Variants in IGFBP5 observed in about 807,000 individuals in gnomAD.
The protein encoded by IGFBP5 is insulin-like growth factor-binding protein 5.
A neutral mutation model predicts 28.0 loss-of-function variants in IGFBP5; 12 were observed. The ratio of observed to expected loss-of-function variants is 0.43; its 90% CI spans 0.27 to 0.69. The LOEUF is 0.69. Among genes scored for constraint, IGFBP5 ranks in the 30% least tolerant of loss-of-function variants. The pLI is 0.20. For synonymous variants in IGFBP5, 152 were observed against 150.2 expected, an observed-to-expected ratio of 1.01 and a Z score of -0.09; for missense variants, 344 against 381.6, an observed-to-expected ratio of 0.90 and a Z score of 0.82.
intron 1 of IGFBP5, among the ~76,000 whole-genome samples, chr2:216,691,579 G>A (rs1689095764): frequency 6.6e-6 from 1 of 152,072 alleles, no homozygotes; most frequent in South Asian, 2.1e-4. Flanking sequence ...TGCAGAGCCA[G>A]GCTCGCTCTC....
intron 1 of IGFBP5, among the ~76,000 whole-genome samples, chr2:216,680,669 G>A (rs2106219035): frequency 6.6e-6 from 1 of 152,322 alleles, no homozygotes; most frequent in African/African-American, 2.4e-5. Flanking sequence ...CTGCCCTAAA[G>A]AAGCCTCCAA....
At chr2:216,691,405 C>T (rs1689093911) in intron 1 of IGFBP5, among the ~76,000 whole-genome samples, 1 of 111,864 alleles carries the variant, frequency 8.9e-6, no homozygotes, top group Admixed American at 8.9e-5. Flanking sequence ...TCATTCCCCA[C>T]CAAAAATGCC....
intron 2 of IGFBP5, 132 bp from the exon 3 acceptor site, chr2:216,678,363 G>T: frequency 2.1e-6 from 2 of 931,364 alleles, no homozygotes; most frequent in Non-Finnish European, 3.0e-6. Context: ...CTAATCATCT[G>T]CTACCAAAGA....
chr2:216,680,742 G>A (rs780517152), intron 1 of IGFBP5, among the ~76,000 whole-genome samples: 19 of 152,148 alleles, frequency 1.2e-4, no homozygotes, highest in Non-Finnish European at 2.4e-4. Context: ...AGGAAGGGAC[G>A]TAATTACTGG....
intron 1 of IGFBP5, among the ~76,000 whole-genome samples, chr2:216,680,110 G>C (rs989254274): frequency 2.6e-5 from 4 of 152,094 alleles, no homozygotes; most frequent in African/African-American, 4.8e-5. Context: ...CCAGAATGGG[G>C]GAACTTTAGA....
rs1435274346 is a variant in IGFBP5, at chr2:216,694,680, C to G, written c.96G>C (p.Glu32Asp). Residue 32 changes from glutamate (E) to aspartate (D), a missense_variant, in exon 1 of 4, where the codon GAG (glutamate) becomes GAC (aspartate). Transcript: ENST00000233813. The surrounding 1 kb of genome is among the most constrained non-coding windows in gnomAD (Gnocchi z 5.2). ...GSFVHCEPCDEKALSMCPPSP... is the reference protein window; with the variant it reads ...GSFVHCEPCDDKALSMCPPSP... ...TGGGGGGGCACATGGAGAGGGCTTT[C>G]TCGTCGCAGGGCTCGCAGTGCACGA... 2 of 1,523,408 alleles carry G rather than the reference C, an allele frequency of 1.3e-6. No homozygotes were observed. The highest frequency in any genetic ancestry group is 1.3e-5 in the South Asian group (1 of 77,160). The allele number at this position is 1,523,408 out of a possible 1,614,324, so 94.4% of individuals were successfully genotyped here. A position where few individuals can be genotyped will look rare whatever the true frequency, so the allele number is the denominator to read the frequency against.
At chr2:216,676,922 C>G (rs771790535) in intron 3 of IGFBP5, 40 bp from the exon 4 acceptor site, 2 of 1,606,310 alleles carry the variant, frequency 1.2e-6, no homozygotes, top group Admixed American at 1.7e-5. Flanking sequence ...GACGGCCGCA[C>G]CCCAGGGCTC....
rs889268894 is a variant in IGFBP5 at position 216,692,277 on chromosome 2, G to A, written c.337+2162C>T. ...GGGCGGGTAGAAGAGGCGGCTTCGGGTTGGCCCAAAGGCACTCAGAAGGTG... is the reference window on the plus strand; with the variant it reads ...GGGCGGGTAGAAGAGGCGGCTTCGGATTGGCCCAAAGGCACTCAGAAGGTG... On this transcript the variant is annotated intron_variant, in intron 1 of 3. Transcript: ENST00000233813. This position sits in a 1 kb window ranked among gnomAD's most constrained non-coding sequence, Gnocchi z 4.2. Among the ~76,000 whole-genome samples the A allele has an allele frequency of 1.3e-5, 2 of 152,156 alleles. No homozygotes were observed. Among genetic ancestry groups the A allele is most frequent in the African/African-American group, 4.8e-5 (2 of 41,436 alleles).
At chr2:216,684,205 G>A (rs908996659) in intron 1 of IGFBP5, among the ~76,000 whole-genome samples, 1 of 152,148 alleles carries the variant, frequency 6.6e-6, no homozygotes, top group Admixed American at 6.5e-5. Context: ...CTTTTGCCAC[G>A]GCTGTTCTCT....
At chr2:216,685,601 G>A (rs962516270) in intron 1 of IGFBP5, among the ~76,000 whole-genome samples, 3 of 152,182 alleles carry the variant, frequency 2.0e-5, no homozygotes, top group African/African-American at 7.2e-5. Context: ...TACAACACAA[G>A]GCTGGTGGAA....
rs894950276 is a variant in IGFBP5, at chr2:216,694,032, T to C, written c.337+407A>G. ...AATATTTTAACAAAAGAGATTTTTTTTCCAAGTTCAGAAAAAAACCTATGC... is the reference window on the plus strand; with the variant it reads ...AATATTTTAACAAAAGAGATTTTTTCTCCAAGTTCAGAAAAAAACCTATGC... On this transcript the variant is annotated intron_variant, in intron 1 of 3. Transcript: ENST00000233813. The surrounding 1 kb of genome is among the most constrained non-coding windows in gnomAD (Gnocchi z 5.2). 6.6e-6 allele frequency among the ~76,000 whole-genome samples: 1 copy of C among 151,850 alleles called. No homozygotes were observed. Among genetic ancestry groups the C allele is most frequent in the African/African-American group, 2.4e-5 (1 of 41,330 alleles).
chr2:216,690,968 G>A (rs1282163305), intron 1 of IGFBP5, among the ~76,000 whole-genome samples: 1 of 151,656 alleles, frequency 6.6e-6, no homozygotes, highest in Non-Finnish European at 1.5e-5. Flanking sequence ...CCCAACTCCC[G>A]TTTTGGTTGG....
intron 1 of IGFBP5, among the ~76,000 whole-genome samples, chr2:216,686,547 T>C (rs1056528352): frequency 6.6e-6 from 1 of 151,768 alleles, no homozygotes; most frequent in African/African-American, 2.4e-5. Context: ...AACCCAGGAG[T>C]TGGAGGCTGC....
At chr2:216,691,539 A>G (rs565998887) in intron 1 of IGFBP5, among the ~76,000 whole-genome samples, 1 of 152,094 alleles carries the variant, frequency 6.6e-6, no homozygotes, top group South Asian at 2.1e-4. Flanking sequence ...TTCCGTATCT[A>G]TCTCTGCTCC....
chr2:216,684,443 C>T (rs1689012592), intron 1 of IGFBP5, among the ~76,000 whole-genome samples: 1 of 152,210 alleles, frequency 6.6e-6, no homozygotes, highest in Non-Finnish European at 1.5e-5. Context: ...GATATTGTGC[C>T]TTAGCTTACA....
rs1688947281 is a variant in IGFBP5, at chr2:216,679,741, A to T, written c.338-662T>A. 1.3e-5 allele frequency among the ~76,000 whole-genome samples: 2 copies of T among 151,990 alleles called. No individual in the cohort carries two copies. The highest frequency in any genetic ancestry group is 2.9e-5 in the Non-Finnish European group (2 of 67,994). On this transcript the variant is annotated intron_variant, in intron 1 of 3. Coordinates refer to ENST00000233813, the MANE Select transcript of IGFBP5 (RefSeq NM_000599.4). This position sits in a 1 kb window ranked among gnomAD's most constrained non-coding sequence, Gnocchi z 4.6. ...GGGAGAGCCAGAAATGTAGGCCCGG[A>T]GGGGACCGGCGTGGGGCCAAGTGGA...
chr2:216,685,278 A>G lies in IGFBP5; in HGVS notation c.338-6199T>C, dbSNP rs11575158. ...CCTGGGCAATAGTGTGACAAAAAAA[A>G]AAAAAAAAGTATATATTTAATATGG... On this transcript the variant is annotated intron_variant, in intron 1 of 3. Transcript: ENST00000233813. Among the ~76,000 whole-genome samples, 6 of 152,206 alleles carry G rather than the reference A, an allele frequency of 3.9e-5. No homozygotes were observed. The East Asian group carries it at 5.8e-4, about 15-fold the overall frequency.
chr2:216,676,726 G>A lies in IGFBP5; in HGVS notation c.*25C>T, dbSNP rs766804586. 1 of 1,396,436 alleles carries A rather than the reference G, an allele frequency of 7.2e-7. No homozygotes were observed. Among genetic ancestry groups the A allele is most frequent in the Non-Finnish European group, 9.7e-7 (1 of 1,029,696 alleles). 86.5% of individuals were successfully genotyped at this position (1,396,436 alleles called of 1,614,324 possible). ...GTCGGGGCTGGGGGTGGGAGGGGGTGAGGGAAAGGTTGGGGGGGGACGCAT... is the reference window on the plus strand; with the variant it reads ...GTCGGGGCTGGGGGTGGGAGGGGGTAAGGGAAAGGTTGGGGGGGGACGCAT... On this transcript the variant is annotated 3_prime_UTR_variant, in exon 4 of 4. Transcript: ENST00000233813.
In IGFBP5 at chr2:216,676,874, A is replaced by AGG; in HGVS notation, c.694_695dup (p.Ser233LeufsTer18). 6.2e-7 allele frequency: 1 copy of AGG among 1,614,042 alleles called. No individual in the cohort carries two copies. The highest frequency in any genetic ancestry group is 8.5e-7 in the Non-Finnish European group (1 of 1,179,958). On this transcript the variant is annotated frameshift_variant, in exon 4 of 4. Coordinates refer to ENST00000233813, the MANE Select transcript of IGFBP5 (RefSeq NM_000599.4). LOFTEE classifies it high-confidence loss of function. ...AGATGCCACGTTTGCGGCCACGGGA[A>AGG]GGTTTGCACTGGGGTGAGTAGAGCA...
Sources: allele counts gnomAD v4.1 joint callset (sites outside exome capture counted in the v4.1 genomes callset), GRCh38; gene constraint gnomAD v4.1.1; non-coding constraint Gnocchi (gnomAD v3.1); transcripts MANE v1.5; gene names NCBI Gene and HGNC (gene_info 2026-07-23, HGNC 2026-07-21).